The following MOB3B variants were observed in gnomAD, a reference collection of about 807,000 sequenced individuals.
MOB3B encodes the protein MOB kinase activator 3B.
Under a neutral mutation model 18.7 loss-of-function variants are expected in MOB3B, and 7 were observed. The observed-to-expected ratio is 0.37, with a 90% CI of 0.21 to 0.70. The LOEUF (loss-of-function observed/expected upper bound fraction) is 0.70, where lower values mean the gene tolerates loss of function less well. MOB3B is among the 30% of genes least tolerant of loss of function. MOB3B has a pLI of 0.52. For synonymous variants in MOB3B, 111 were observed against 99.9 expected (o/e 1.11, Z -0.66); for missense variants, 253 against 281.3 (o/e 0.90, Z 0.72).
chr9:27,522,186 G>A (rs1324681289), intron 1 of MOB3B, among the ~76,000 whole-genome samples: 2 of 133,288 alleles, frequency 1.5e-5, no homozygotes, highest in South Asian at 5.0e-4. Flanking sequence ...AGGTTGCAGT[G>A]AGCCGAGATC....
chr9:27,436,450 GT>G (rs1484620719), intron 2 of MOB3B, among the ~76,000 whole-genome samples: 1 of 152,134 alleles, frequency 6.6e-6, no homozygotes, highest in African/African-American at 2.4e-5. Context: ...TGCACGTTTT[GT>G]TTCCCACTGT....
chr9:27,479,781 C>T lies in MOB3B; in HGVS notation c.-198-24033G>A, dbSNP rs182871649. Among the ~76,000 whole-genome samples the T allele has an allele frequency of 8.5e-5, 13 of 152,294 alleles. No individual in the cohort carries two copies. In the East Asian group the frequency reaches 2.3e-3, roughly 27 times the overall value. ...ATAGGGGAATAGAAATTTTGAATAA[C>T]TTAAAACTTTTTAAAAGCTAAGCTC... On this transcript the variant is annotated intron_variant, in intron 1 of 3. Transcript: ENST00000262244.
chr9:27,482,068 A>G (rs927108990), intron 1 of MOB3B, among the ~76,000 whole-genome samples: 1 of 152,180 alleles, frequency 6.6e-6, no homozygotes, highest in African/African-American at 2.4e-5. Flanking sequence ...TAAAATGCAA[A>G]AACAAAAAAA....
At position 27,455,684 on chromosome 9, in the gene MOB3B, G is replaced by A. The variant is rs1243748022; in HGVS notation, c.-134C>T. ...CAGTCTTACAGCCTGTAGCTTTTAA[G>A]CTCTTCTAAACAGCCCCTTCCATCT... On this transcript the variant is annotated 5_prime_UTR_variant, in exon 2 of 4. Coordinates refer to ENST00000262244, the MANE Select transcript of MOB3B (RefSeq NM_024761.5). 11 of 1,519,198 alleles carry A rather than the reference G, an allele frequency of 7.2e-6. No homozygotes were observed. Among genetic ancestry groups the A allele is most frequent in the Admixed American group, 2.2e-5 (1 of 45,556 alleles). 94.1% of individuals were successfully genotyped at this position (1,519,198 alleles called of 1,614,324 possible).
At chr9:27,341,366 T>C (rs1402350395) in intron 3 of MOB3B, among the ~76,000 whole-genome samples, 1 of 152,210 alleles carries the variant, frequency 6.6e-6, no homozygotes, top group Non-Finnish European at 1.5e-5. Flanking sequence ...CCGTTCAGCC[T>C]AGCTGAATTC....
chr9:27,338,137 C>T (rs1220119330), intron 3 of MOB3B, among the ~76,000 whole-genome samples: 1 of 152,230 alleles, frequency 6.6e-6, no homozygotes, highest in Non-Finnish European at 1.5e-5. Context: ...CTTCCCATGA[C>T]TTGCAAGGAC....
At chr9:27,453,962 T>C (rs1822832222) in intron 2 of MOB3B, among the ~76,000 whole-genome samples, 1 of 152,132 alleles carries the variant, frequency 6.6e-6, no homozygotes, top group African/African-American at 2.4e-5. Context: ...CTGGGGGATT[T>C]GCCCTGACAT....
intron 1 of MOB3B, among the ~76,000 whole-genome samples, chr9:27,457,312 A>T (rs1367185661): frequency 2.0e-5 from 3 of 152,178 alleles, no homozygotes; most frequent in Non-Finnish European, 2.9e-5. Context: ...TAACTGATCC[A>T]CTCATAGGTC....
chr9:27,382,851 C>T (rs1307403785), intron 2 of MOB3B, among the ~76,000 whole-genome samples: 1 of 152,044 alleles, frequency 6.6e-6, no homozygotes. Context: ...CCAATTAAAT[C>T]CCCACTTCAA....
chr9:27,455,451 C>A lies in MOB3B; in HGVS notation c.100G>T (p.Ala34Ser). The A allele has an allele frequency of 1.9e-6, 3 of 1,614,254 alleles. No homozygotes were observed. The South Asian group carries it at 3.3e-5, about 18-fold the overall frequency. Residue 34 changes from alanine to serine, a missense_variant, in exon 2 of 4, where the codon GCT becomes TCT. Ala to Ser is a moderately conservative substitution (Grantham distance 99, BLOSUM62 1). Transcript: ENST00000262244. ...GTQRFELHKR[A>S]QASLNSGVDL... ...ACACCCGAGTTGAGGGATGCCTGAG[C>A]CCGTTTGTGCAGCTCAAACCTCTGT... is the stretch of plus-strand genomic sequence containing the variant.
intron 2 of MOB3B, among the ~76,000 whole-genome samples, chr9:27,426,188 C>T (rs1822326559): frequency 6.6e-6 from 1 of 152,158 alleles, no homozygotes; most frequent in African/African-American, 2.4e-5. Flanking sequence ...AACTGGGATT[C>T]CAACCTATCC....
At chr9:27,414,953 C>T (rs1455202350) in intron 2 of MOB3B, among the ~76,000 whole-genome samples, 9 of 152,152 alleles carry the variant, frequency 5.9e-5, no homozygotes, top group African/African-American at 9.7e-5. Flanking sequence ...CCTCCGCCTC[C>T]GGGGTTCAAA....
chr9:27,455,878 G>T (rs990630820), intron 1 of MOB3B, 130 bp from the exon 2 acceptor site: 7 of 857,532 alleles, frequency 8.2e-6, no homozygotes, highest in African/African-American at 5.2e-5. Context: ...GGGCATGGGG[G>T]TTAAGCCACT....
chr9:27,491,701 AT>A (rs1311784405), intron 1 of MOB3B, among the ~76,000 whole-genome samples: 1 of 152,106 alleles, frequency 6.6e-6, no homozygotes, highest in Non-Finnish European at 1.5e-5. Context: ...GTGAAACCCC[AT>A]CTCTACTAAA....
intron 1 of MOB3B, among the ~76,000 whole-genome samples, chr9:27,489,753 T>TTTTTTTTTTTTTTTTTTTTG (rs1357546531): frequency 6.8e-6 from 1 of 148,046 alleles, no homozygotes; most frequent in Non-Finnish European, 1.5e-5. Context: ...TTTTTTTTTT[T>TTTTTTTTTTTTTTTTTTTTG]TGGTCCAACA....
chr9:27,425,384 A>AC lies in MOB3B; in HGVS notation c.418+29748_418+29749insG, dbSNP rs1554648730. On this transcript the variant is annotated intron_variant, in intron 2 of 3. Coordinates refer to ENST00000262244, the MANE Select transcript of MOB3B (RefSeq NM_024761.5). ...GAGCAAAACTGTCTCAAAAAAAAAA[A>AC]AAAAACAAAACAACAACAACAAAAA... Among the ~76,000 whole-genome samples, 120 of 134,642 alleles carry AC rather than the reference A, an allele frequency of 8.9e-4. No homozygotes were observed. The Middle Eastern group carries it at 0.016, about 17-fold the overall frequency. 88.3% of individuals were successfully genotyped at this position (134,642 alleles called of 152,430 possible). A position where few individuals can be genotyped will look rare whatever the true frequency, so the allele number is the denominator to read the frequency against.
chr9:27,346,011 C>T (rs1274450670), intron 3 of MOB3B, among the ~76,000 whole-genome samples: 3 of 152,162 alleles, frequency 2.0e-5, no homozygotes, highest in Admixed American at 6.5e-5. Context: ...ATGCTGGAAC[C>T]TAATGCCCAG....
intron 1 of MOB3B, among the ~76,000 whole-genome samples, chr9:27,514,345 CA>C (rs34526085): frequency 0.51 from 39,674 of 77,276 alleles, 7,085 homozygotes; most frequent in Middle Eastern, 0.56. Context: ...ACCACAAGCT[CA>C]AAAAAAAAAA....
chr9:27,490,270 G>A lies in MOB3B; in HGVS notation c.-198-34522C>T, dbSNP rs557108943. Among the ~76,000 whole-genome samples the A allele has an allele frequency of 2.0e-5, 3 of 152,220 alleles. No homozygotes were observed. The South Asian group carries it at 6.2e-4, about 32-fold the overall frequency. ...TATCAGGCGAAGTTCTAGACCCTGGGGAGAAAAAGATGAATGAGACACAGT... is the reference window on the plus strand; with the variant it reads ...TATCAGGCGAAGTTCTAGACCCTGGAGAGAAAAAGATGAATGAGACACAGT... On this transcript the variant is annotated intron_variant, in intron 1 of 3. Coordinates refer to ENST00000262244, the MANE Select transcript of MOB3B (RefSeq NM_024761.5).
Sources: gnomAD v4.1 joint callset for allele counts (sites outside exome capture counted in the v4.1 genomes callset) on GRCh38, gnomAD v4.1.1 for gene constraint, MANE v1.5 for transcripts, NCBI Gene and HGNC (gene_info 2026-07-23, HGNC 2026-07-21) for gene names.